Variants in TTC39C observed in about 807,000 individuals in gnomAD.
The protein encoded by TTC39C is tetratricopeptide repeat protein 39C.
TTC39C carries 33 observed loss-of-function variants against 76.3 expected under a neutral mutation model. The ratio of observed to expected loss-of-function variants is 0.43; its 90% CI spans 0.33 to 0.58. The LOEUF is 0.58. TTC39C is among the 20% of genes least tolerant of loss of function. The probability of loss-of-function intolerance (pLI) is 0.04; values close to 1 mark genes in which losing one functional copy is unlikely to be tolerated. For synonymous variants in TTC39C, 254 were observed against 260.6 expected, an observed-to-expected ratio of 0.97 and a Z score of 0.24; for missense variants, 595 against 701.4, an observed-to-expected ratio of 0.85 and a Z score of 1.71.
At chr18:24,074,738 T>C (rs2084281785) in intron 4 of TTC39C, among the ~76,000 whole-genome samples, 1 of 152,192 alleles carries the variant, frequency 6.6e-6, no homozygotes, top group Admixed American at 6.5e-5. Flanking sequence ...TGGAAGACAG[T>C]GTGGCGACTC....
intron 6 of TTC39C, among the ~76,000 whole-genome samples, chr18:24,083,835 T>C (rs978616889): frequency 1.3e-5 from 2 of 152,206 alleles, no homozygotes; most frequent in African/African-American, 4.8e-5. Flanking sequence ...AAGAAATTAA[T>C]CATACCTATG....
At chr18:24,092,488 A>G (rs192237102) in intron 6 of TTC39C, among the ~76,000 whole-genome samples, 52 of 152,376 alleles carry the variant, frequency 3.4e-4, no homozygotes, top group African/African-American at 1.2e-3. Context: ...TCAGATGTCT[A>G]TCAACTGATG....
chr18:24,049,180 T>G (rs2145707671), intron 1 of TTC39C, among the ~76,000 whole-genome samples: 1 of 152,354 alleles, frequency 6.6e-6, no homozygotes, highest in Non-Finnish European at 1.5e-5. Context: ...TTTTGTATGT[T>G]CCAGAGACTA....
chr18:24,007,824 C>G lies in TTC39C; in HGVS notation c.-17+14786C>G, dbSNP rs187347599. ...TGATGCAACTAGTTATTTAATTGCA[C>G]AGACTTTATTTTAGCTGGGAATTTC... On this transcript the variant is annotated intron_variant, in intron 1 of 13. Transcript: ENST00000304621. 1.5e-3 allele frequency among the ~76,000 whole-genome samples: 232 copies of G among 152,276 alleles called. 2 individuals carry two copies. The highest frequency in any genetic ancestry group is 0.01 in the Middle Eastern group (3 of 294).
intron 1 of TTC39C, among the ~76,000 whole-genome samples, chr18:23,997,790 T>A (rs2083281467): frequency 6.6e-6 from 1 of 151,726 alleles, no homozygotes; most frequent in Admixed American, 6.6e-5. Context: ...GCAGGAAGAT[T>A]GCTTGAGCCT....
intron 6 of TTC39C, among the ~76,000 whole-genome samples, chr18:24,107,599 C>G (rs2084761105): frequency 6.6e-6 from 1 of 152,172 alleles, no homozygotes; most frequent in African/African-American, 2.4e-5. Context: ...TTGCCTGCCA[C>G]CGTGTTAAGA....
In TTC39C at chr18:24,133,187, A is replaced by T. The variant is rs193197493; in HGVS notation, c.*613A>T. 36 of 152,340 alleles carry T rather than the reference A, an allele frequency of 2.4e-4. No homozygotes were observed. In the East Asian group the frequency reaches 5.6e-3, roughly 24 times the overall value. The allele number at this position is 152,340 out of a possible 1,614,324, so 9.4% of individuals were successfully genotyped here. Reference sequence around the variant, plus strand: ...TGAATAGAAAGCAGATCTCCTGACCACCAACTGACTTTTATTGTAAAAATA... The same window carrying T: ...TGAATAGAAAGCAGATCTCCTGACCTCCAACTGACTTTTATTGTAAAAATA... On this transcript the variant is annotated 3_prime_UTR_variant, in exon 14 of 14. Transcript: ENST00000317571.
chr18:24,011,449 G>A (rs997949836), upstream of TTC39C, among the ~76,000 whole-genome samples: 2 of 152,200 alleles, frequency 1.3e-5, no homozygotes, highest in African/African-American at 2.4e-5. Context: ...AGGAGAGGCG[G>A]CCCTGTCTGA....
chr18:24,008,680 G>T (rs1451435406), intron 1 of TTC39C, among the ~76,000 whole-genome samples: 4 of 152,048 alleles, frequency 2.6e-5, no homozygotes, highest in Non-Finnish European at 5.9e-5. Flanking sequence ...CCCATTATTG[G>T]GTATATAACC....
intron 1 of TTC39C, among the ~76,000 whole-genome samples, chr18:24,038,431 C>G (rs2083755685): frequency 6.6e-6 from 1 of 152,122 alleles, no homozygotes; most frequent in South Asian, 2.1e-4. Context: ...CACAGGCATG[C>G]ACCACCATGC....
intron 6 of TTC39C, among the ~76,000 whole-genome samples, chr18:24,110,801 C>T (rs940986897): frequency 8.5e-5 from 13 of 152,340 alleles, no homozygotes; most frequent in Middle Eastern, 3.4e-3. Flanking sequence ...TTGTGTTCTT[C>T]ATGGCTTTTG....
At position 24,123,919 on chromosome 18, in the gene TTC39C, G is replaced by T. The variant is rs756024296; in HGVS notation, c.1272G>T (p.Gln424His). ...VQKLFKRKNN[Q>H]IEQFSVKKAE... ...AACTCTTCAAAAGGAAAAACAATCA[G>T]ATTGAACAGTTCTCGGTGAAAAAGG... Residue 424 changes from glutamine (Q) to histidine (H), a missense_variant, in exon 9 of 14, where the codon CAG (glutamine) becomes CAT (histidine). Gln to His is a conservative substitution (Grantham distance 24, BLOSUM62 0). Transcript: ENST00000317571. 1 of 1,612,890 alleles carries T rather than the reference G, an allele frequency of 6.2e-7. No individual in the cohort carries two copies. Among genetic ancestry groups the T allele is most frequent in the Admixed American group, 1.7e-5 (1 of 59,854 alleles).
intron 1 of TTC39C, among the ~76,000 whole-genome samples, chr18:24,002,577 G>A (rs996758184): frequency 1.3e-5 from 2 of 152,200 alleles, no homozygotes; most frequent in South Asian, 2.1e-4. Context: ...CTTTTTTAAT[G>A]TGTGGGGATT....
At chr18:24,083,131 C>A (rs371140177) in intron 6 of TTC39C, 50 bp downstream of exon 6, 405 of 1,532,432 alleles carry the variant, frequency 2.6e-4, no homozygotes, top group Non-Finnish European at 3.3e-4. Flanking sequence ...ATGATCAAAT[C>A]TCTGATTCTC....
intron 6 of TTC39C, among the ~76,000 whole-genome samples, chr18:24,105,096 G>GT (rs1388816753): frequency 8.6e-5 from 13 of 151,664 alleles, no homozygotes. Flanking sequence ...CCTACTAAAT[G>GT]TTAGCATCTT....
chr18:24,032,664 G>A (rs1291273059), intron 1 of TTC39C, among the ~76,000 whole-genome samples: 1 of 152,206 alleles, frequency 6.6e-6, no homozygotes, highest in African/African-American at 2.4e-5. Flanking sequence ...CATGAGATCA[G>A]GTGTAGAATT....
chr18:24,080,977 A>G (rs1340121492), intron 5 of TTC39C, 38 bp downstream of exon 5: 4 of 1,521,296 alleles, frequency 2.6e-6, no homozygotes, highest in African/African-American at 1.4e-5. Context: ...TAGATAATAT[A>G]GTGTTGAAAG....
chr18:24,074,148 A>G (rs1042838084), intron 4 of TTC39C, among the ~76,000 whole-genome samples: 16 of 152,244 alleles, frequency 1.1e-4, no homozygotes, highest in African/African-American at 3.9e-4. Flanking sequence ...TACTTCAGCC[A>G]TAGACATATA....
chr18:24,129,593 G>A (rs945540826), intron 11 of TTC39C, among the ~76,000 whole-genome samples: 1 of 151,900 alleles, frequency 6.6e-6, no homozygotes, highest in African/African-American at 2.4e-5. Context: ...GGCCAACATG[G>A]TGGAACCCCG....
Sources: allele counts gnomAD v4.1 joint callset (sites outside exome capture counted in the v4.1 genomes callset), GRCh38; gene constraint gnomAD v4.1.1; transcripts MANE v1.5; gene names NCBI Gene and HGNC (gene_info 2026-07-23, HGNC 2026-07-21).